AJAP1: variants seen among roughly 807,000 people sequenced by gnomAD.
AJAP1 encodes the protein adherens junction-associated protein 1.
Under a neutral mutation model 35.0 loss-of-function variants are expected in AJAP1, and 5 were observed. The observed-to-expected ratio is 0.14, with a 90% CI of 0.07 to 0.30. The LOEUF (loss-of-function observed/expected upper bound fraction) is 0.30, where lower values mean the gene tolerates loss of function less well. Ranked by LOEUF, AJAP1 falls within the 10% of genes least tolerant of loss-of-function variation. AJAP1 has a pLI of 1.00. For missense variants in AJAP1, 586 were observed against 571.0 expected (o/e 1.03, Z -0.27); for synonymous variants, 284 against 249.3 (o/e 1.14, Z -1.31).
intron 1 of AJAP1, among the ~76,000 whole-genome samples, chr1:4,662,046 T>TTGTGTGTG (rs3086604): frequency 1.3e-5 from 2 of 150,962 alleles, no homozygotes; most frequent in African/African-American, 2.4e-5. Context: ...CCCTTTATAT[T>TTGTGTGTG]TGTGTGTGTG....
intron 2 of AJAP1, among the ~76,000 whole-genome samples, chr1:4,730,406 A>G (rs970106364): frequency 1.3e-5 from 2 of 152,164 alleles, no homozygotes; most frequent in African/African-American, 2.4e-5. Flanking sequence ...CAGCTCACCC[A>G]GCCTGGAGCC....
At chr1:4,713,856 G>T (rs1052249168) in intron 2 of AJAP1, among the ~76,000 whole-genome samples, 1 of 152,218 alleles carries the variant, frequency 6.6e-6, no homozygotes, top group Admixed American at 6.5e-5. Context: ...TTGTGGGCTC[G>T]GTAGGCCCCA....
intron 2 of AJAP1, among the ~76,000 whole-genome samples, chr1:4,726,311 TCA>T (rs1249888409): frequency 6.6e-6 from 1 of 152,068 alleles, no homozygotes; most frequent in African/African-American, 2.4e-5. Context: ...TACTGGAAAC[TCA>T]CAGTGGCCAG....
At chr1:4,684,595 G>T (rs142535324) in intron 1 of AJAP1, among the ~76,000 whole-genome samples, 16 of 152,248 alleles carry the variant, frequency 1.1e-4, no homozygotes, top group Admixed American at 6.5e-4. Context: ...GGCCTTTCCT[G>T]GGTAGAATCT....
chr1:4,700,060 CT>C (rs1316705320), intron 1 of AJAP1, among the ~76,000 whole-genome samples: 1 of 152,216 alleles, frequency 6.6e-6, no homozygotes, highest in Non-Finnish European at 1.5e-5. Context: ...GAGCTCTCCC[CT>C]GAGCGTCTTC....
intron 1 of AJAP1, among the ~76,000 whole-genome samples, chr1:4,667,973 G>C (rs187331653): frequency 3.9e-5 from 6 of 152,334 alleles, no homozygotes; most frequent in Non-Finnish European, 7.3e-5. Flanking sequence ...TCAGCACTTT[G>C]GGAGGTAGAG....
At chr1:4,764,624 T>C (rs1431957145) in intron 2 of AJAP1, among the ~76,000 whole-genome samples, 1 of 152,256 alleles carries the variant, frequency 6.6e-6, no homozygotes, top group Non-Finnish European at 1.5e-5. Context: ...CTTACACTTG[T>C]TGCATGACAG....
intron 1 of AJAP1, among the ~76,000 whole-genome samples, chr1:4,700,204 G>A (rs879443077): frequency 2.6e-5 from 4 of 152,114 alleles, no homozygotes; most frequent in Non-Finnish European, 5.9e-5. Flanking sequence ...CCAGCCTGTG[G>A]CACCCTTCTT....
chr1:4,718,175 C>T (rs1173705296), intron 2 of AJAP1, among the ~76,000 whole-genome samples: 2 of 152,086 alleles, frequency 1.3e-5, no homozygotes, highest in Non-Finnish European at 2.9e-5. Context: ...TGTTGGCCGA[C>T]AGCTCACTGG....
At chr1:4,691,443 A>G (rs1225668150) in intron 1 of AJAP1, among the ~76,000 whole-genome samples, 3 of 152,344 alleles carry the variant, frequency 2.0e-5, no homozygotes, top group African/African-American at 7.2e-5. Flanking sequence ...TTTAGGTGAC[A>G]GGTATCTCTG....
At chr1:4,677,357 ACCTCACACAT>A (rs1639383984) in intron 1 of AJAP1, among the ~76,000 whole-genome samples, 2 of 152,010 alleles carry the variant, frequency 1.3e-5, no homozygotes, top group African/African-American at 2.4e-5. Context: ...GAGGATTCTG[ACCTCACACAT>A]CCCTGATTCC....
chr1:4,717,867 T>C (rs1640431677), intron 2 of AJAP1, among the ~76,000 whole-genome samples: 1 of 152,220 alleles, frequency 6.6e-6, no homozygotes, highest in Admixed American at 6.5e-5. Flanking sequence ...GTGATGGCCA[T>C]TTAAATGCTG....
chr1:4,706,219 G>C (rs1004129728), intron 1 of AJAP1, among the ~76,000 whole-genome samples: 7 of 152,158 alleles, frequency 4.6e-5, no homozygotes, highest in Non-Finnish European at 1.0e-4. Flanking sequence ...CGGCACTGCT[G>C]TGTCATAGAA....
intron 1 of AJAP1, among the ~76,000 whole-genome samples, chr1:4,659,238 G>A (rs1638948146): frequency 6.6e-6 from 1 of 152,218 alleles, no homozygotes; most frequent in Non-Finnish European, 1.5e-5. Context: ...AGGGTTACAA[G>A]TCAGTAGAGA....
rs144681813 is a variant in AJAP1, at chr1:4,762,969, G to T, written c.830-6884G>T. 2.6e-5 allele frequency among the ~76,000 whole-genome samples: 4 copies of T among 152,202 alleles called. No individual in the cohort carries two copies. In the East Asian group the frequency reaches 7.7e-4, roughly 29 times the overall value. ...GCCCCATGACCTCTCTCCCTCCCTGGCTTTGTTATTGATAAGGAAAGCGTT... is the reference window on the plus strand; with the variant it reads ...GCCCCATGACCTCTCTCCCTCCCTGTCTTTGTTATTGATAAGGAAAGCGTT... On this transcript the variant is annotated intron_variant, in intron 2 of 5. Transcript: ENST00000378191.
chr1:4,667,747 C>T (rs1010794849), intron 1 of AJAP1, among the ~76,000 whole-genome samples: 11 of 152,106 alleles, frequency 7.2e-5, no homozygotes, highest in East Asian at 3.9e-4. Context: ...AGAACCGGAC[C>T]CCCAGTCAGT....
At chr1:4,674,676 G>A (rs1226377438) in intron 1 of AJAP1, among the ~76,000 whole-genome samples, 2 of 152,186 alleles carry the variant, frequency 1.3e-5, no homozygotes, top group Non-Finnish European at 2.9e-5. Context: ...TGGTCTTGGG[G>A]CCTCCCTTTC....
chr1:4,721,843 A>C (rs1423222526), intron 2 of AJAP1, among the ~76,000 whole-genome samples: 1 of 152,252 alleles, frequency 6.6e-6, no homozygotes, highest in Non-Finnish European at 1.5e-5. Flanking sequence ...TCTGTGTTTT[A>C]AAAGCTTGAT....
intron 1 of AJAP1, among the ~76,000 whole-genome samples, chr1:4,705,225 C>T (rs1039165171): frequency 2.0e-5 from 3 of 151,820 alleles, no homozygotes; most frequent in Non-Finnish European, 4.4e-5. Context: ...ACACCTTATA[C>T]AAAAATTAAT....
Sources: allele counts gnomAD v4.1 joint callset (sites outside exome capture counted in the v4.1 genomes callset), GRCh38; gene constraint gnomAD v4.1.1; transcripts MANE v1.5; gene names NCBI Gene and HGNC (gene_info 2026-07-23, HGNC 2026-07-21).